DAAM1: variants seen among roughly 807,000 people sequenced by gnomAD.
The protein encoded by DAAM1 is disheveled-associated activator of morphogenesis 1.
In DAAM1, 52 loss-of-function variants were observed where a neutral mutation model predicts 130.0. The observed-to-expected ratio is 0.40, with a 90% CI of 0.32 to 0.50. The LOEUF (loss-of-function observed/expected upper bound fraction) is 0.50, where lower values mean the gene tolerates loss of function less well. Among genes scored for constraint, DAAM1 ranks in the 20% least tolerant of loss-of-function variants. The pLI is 0.61. For synonymous variants in DAAM1, 452 were observed against 444.5 expected (o/e 1.02, Z -0.21); for missense variants, 1,134 against 1,303.8 (o/e 0.87, Z 2.01).
rs1886623584 is a variant in DAAM1, at chr14:59,359,580, A to T, written c.2633+76A>T. ...TAGCCATTGAGGTAGTTTGCACTGC[A>T]TGAAGTCAGTCCTTCTATTTGTTTT... On this transcript the variant is annotated intron_variant, in intron 21 of 24. Coordinates refer to ENST00000360909, the MANE Select transcript of DAAM1 (RefSeq NM_001270520.2). 3.8e-6 allele frequency: 4 copies of T among 1,052,116 alleles called. No homozygotes were observed. In the East Asian group the frequency reaches 1.0e-4, roughly 26 times the overall value. 65.2% of individuals were successfully genotyped at this position (1,052,116 alleles called of 1,614,324 possible).
At chr14:59,354,202 A>T (rs10162563) in intron 19 of DAAM1, among the ~76,000 whole-genome samples, 109 of 152,070 alleles carry the variant, frequency 7.2e-4, no homozygotes, top group African/African-American at 2.6e-3. Context: ...CTGGGACTAC[A>T]GGTGCCTGCC....
intron 1 of DAAM1, among the ~76,000 whole-genome samples, chr14:59,216,288 C>G (rs1158708110): frequency 6.6e-6 from 1 of 152,110 alleles, no homozygotes; most frequent in African/African-American, 2.4e-5. Context: ...GTATTTCTGT[C>G]AAGTCAATAT....
intron 1 of DAAM1, among the ~76,000 whole-genome samples, chr14:59,201,793 C>CA (rs75591936): frequency 0.057 from 5,802 of 101,354 alleles, 143 homozygotes; most frequent in South Asian, 0.1. Flanking sequence ...GATACTGTCT[C>CA]AAAAAAAAAA....
intron 1 of DAAM1, among the ~76,000 whole-genome samples, chr14:59,234,147 G>T (rs1381844392): frequency 6.6e-6 from 1 of 152,048 alleles, no homozygotes; most frequent in Non-Finnish European, 1.5e-5. Flanking sequence ...ATTTAAAGTA[G>T]TTTTTTTCTA....
chr14:59,315,617 T>A (rs966331015), intron 4 of DAAM1, among the ~76,000 whole-genome samples: 2 of 152,248 alleles, frequency 1.3e-5, no homozygotes, highest in Non-Finnish European at 2.9e-5. Context: ...TAGTTTGAAA[T>A]CTGGCTTGTG....
chr14:59,236,944 G>A (rs1439066706), intron 1 of DAAM1, among the ~76,000 whole-genome samples: 1 of 152,104 alleles, frequency 6.6e-6, no homozygotes, highest in African/African-American at 2.4e-5. Context: ...AGGCTTTGGG[G>A]GCTAAAAGAT....
rs186211068 is a variant in DAAM1, at chr14:59,280,084, C to A, written c.184-11133C>A. On this transcript the variant is annotated intron_variant, in intron 2 of 24. Transcript: ENST00000360909. ...GAGCTAAAATTTAAAAAAACAGCACCAAGTGTTGATGAGAATGTGGAGTAA... is the reference window on the plus strand; with the variant it reads ...GAGCTAAAATTTAAAAAAACAGCACAAAGTGTTGATGAGAATGTGGAGTAA... Among the ~76,000 whole-genome samples, 5 of 152,152 alleles carry A rather than the reference C, an allele frequency of 3.3e-5. No individual in the cohort carries two copies. In the East Asian group the frequency reaches 7.7e-4, roughly 24 times the overall value.
At chr14:59,336,959 A>G (rs769268246) in intron 15 of DAAM1, among the ~76,000 whole-genome samples, 5 of 152,210 alleles carry the variant, frequency 3.3e-5, no homozygotes, top group Non-Finnish European at 5.9e-5. Context: ...CTGAGCCCCA[A>G]GCCACACACC....
intron 1 of DAAM1, among the ~76,000 whole-genome samples, chr14:59,190,088 T>C (rs140128128): frequency 1.3e-5 from 2 of 152,158 alleles, no homozygotes; most frequent in African/African-American, 2.4e-5. Flanking sequence ...TTCGATTCGA[T>C]GTGGCTCTGC....
At chr14:59,364,593 C>T (rs534439763) in intron 23 of DAAM1, among the ~76,000 whole-genome samples, 12 of 151,746 alleles carry the variant, frequency 7.9e-5, no homozygotes, top group Non-Finnish European at 1.6e-4. Flanking sequence ...CCCATTGGTT[C>T]TTTTACTCTA....
intron 1 of DAAM1, among the ~76,000 whole-genome samples, chr14:59,196,876 A>C (rs1208906754): frequency 6.6e-6 from 1 of 152,238 alleles, no homozygotes; most frequent in Non-Finnish European, 1.5e-5. Context: ...TGAAATTGTG[A>C]ATATGGAAAA....
At chr14:59,352,755 T>C (rs1886334846) in intron 18 of DAAM1, 123 bp downstream of exon 18, 2 of 823,346 alleles carry the variant, frequency 2.4e-6, no homozygotes, top group Non-Finnish European at 3.7e-6. Context: ...TTTTTCATTC[T>C]AAAAATCTTC....
chr14:59,194,655 A>G (rs1375121135), intron 1 of DAAM1, among the ~76,000 whole-genome samples: 1 of 152,248 alleles, frequency 6.6e-6, no homozygotes, highest in Non-Finnish European at 1.5e-5. Flanking sequence ...TTGAAAAGAA[A>G]ATAATGAACA....
At chr14:59,217,579 G>A (rs1487875638) in intron 1 of DAAM1, among the ~76,000 whole-genome samples, 2 of 152,156 alleles carry the variant, frequency 1.3e-5, no homozygotes, top group African/African-American at 4.8e-5. Context: ...GCTCATGCCT[G>A]TAATCTCAGC....
At chr14:59,316,777 G>C (rs547097876) in intron 4 of DAAM1, among the ~76,000 whole-genome samples, 1 of 152,116 alleles carries the variant, frequency 6.6e-6, no homozygotes, top group South Asian at 2.1e-4. Flanking sequence ...CTGGCTGTTA[G>C]GAAAAAAAGA....
At chr14:59,300,686 G>C (rs193221987) in intron 3 of DAAM1, among the ~76,000 whole-genome samples, 1 of 152,164 alleles carries the variant, frequency 6.6e-6, no homozygotes, top group East Asian at 1.9e-4. Context: ...CATAAATATA[G>C]TTGAAGCCCA....
At chr14:59,306,388 G>A (rs1284720708) in intron 3 of DAAM1, among the ~76,000 whole-genome samples, 1 of 152,194 alleles carries the variant, frequency 6.6e-6, no homozygotes, top group East Asian at 1.9e-4. Flanking sequence ...GAATGAGAAG[G>A]AAAGCAAATG....
intron 1 of DAAM1, among the ~76,000 whole-genome samples, chr14:59,209,169 A>G (rs1888353903): frequency 6.6e-6 from 1 of 152,166 alleles, no homozygotes; most frequent in Admixed American, 6.6e-5. Context: ...AAATACTTAT[A>G]TTTGACCATC....
At chr14:59,189,212 AG>A (rs1236972066) in intron 1 of DAAM1, among the ~76,000 whole-genome samples, 1 of 151,916 alleles carries the variant, frequency 6.6e-6, no homozygotes, top group Non-Finnish European at 1.5e-5. Flanking sequence ...GAGAACCCCG[AG>A]GCAGGCTTGG....
Sources: gnomAD v4.1 joint callset for allele counts (sites outside exome capture counted in the v4.1 genomes callset) on GRCh38, gnomAD v4.1.1 for gene constraint, MANE v1.5 for transcripts, NCBI Gene and HGNC (gene_info 2026-07-23, HGNC 2026-07-21) for gene names.